The following ADAM17 variants were observed in gnomAD, a reference collection of about 807,000 sequenced individuals.
ADAM17 encodes ADAM metallopeptidase domain 17.
A neutral mutation model predicts 96.7 loss-of-function variants in ADAM17; 39 were observed. The observed-to-expected ratio is 0.40, with a 90% confidence interval of 0.31 to 0.53. The LOEUF is 0.53. Among genes scored for constraint, ADAM17 ranks in the 20% least tolerant of loss-of-function variants. The pLI is 0.44. For synonymous variants in ADAM17, 344 were observed against 359.2 expected, an observed-to-expected ratio of 0.96 and a Z score of 0.48; for missense variants, 777 against 1,013.2, an observed-to-expected ratio of 0.77 and a Z score of 3.17.
intron 1 of ADAM17, among the ~76,000 whole-genome samples, chr2:9,551,025 AG>A (rs1193644599): frequency 6.6e-6 from 1 of 151,948 alleles, no homozygotes; most frequent in East Asian, 1.9e-4. Context: ...CAGTAAGCCA[AG>A]ATTGCGCCAC....
Position 9,526,199 on chromosome 2 carries a change from T to C in ADAM17, c.665A>G (p.Lys222Arg). The C allele has an allele frequency of 1.2e-6, 2 of 1,613,948 alleles. No homozygotes were observed. Among genetic ancestry groups the C allele is most frequent in the African/African-American group, 1.3e-5 (1 of 75,076 alleles). Reference sequence around the variant, plus strand: ...TACCACCAATAATTTACACGTGTTCTTCATGGGATCTGGGTCAGCTCTTCT... The same window carrying C: ...TACCACCAATAATTTACACGTGTTCCTCATGGGATCTGGGTCAGCTCTTCT... ...VKRRADPDPM[K>R]NTCKLLVVAD... The change falls in exon 6 of 19, where the codon AAG becomes AGG. Residue 222 changes from lysine to arginine, a missense_variant. By Grantham distance (26) the Lys-to-Arg change is conservative (BLOSUM62 2). This residue lies in a region of ADAM17 where 446 missense variants were observed against 664.7 expected (regional missense o/e 0.67). Transcript: ENST00000310823.
rs2177637 is a variant in ADAM17 at position 9,535,369 on chromosome 2, T to C, written c.450+465A>G. On this transcript the variant is annotated intron_variant, in intron 4 of 18. Coordinates refer to ENST00000310823, the MANE Select transcript of ADAM17 (RefSeq NM_003183.6). ...CAGCCACTGTGGTCTTGATTTCTAT[T>C]GCTACTCTTTCAATGGAAGAGTGAC... Among the ~76,000 whole-genome samples, 19 of 152,384 alleles carry C rather than the reference T, an allele frequency of 1.2e-4. No individual in the cohort carries two copies. The East Asian group carries it at 3.1e-3, about 25-fold the overall frequency.
intron 12 of ADAM17, 66 bp downstream of exon 12, chr2:9,505,100 G>T (rs2124998845): frequency 6.5e-7 from 1 of 1,536,494 alleles, no homozygotes; most frequent in South Asian, 1.1e-5. Flanking sequence ...TGCAAGTTCA[G>T]TCTTCTCTTA....
chr2:9,491,244 G>A, intron 17 of ADAM17, 93 bp from the exon 18 acceptor site: 2 of 1,155,062 alleles, frequency 1.7e-6, no homozygotes. Context: ...ACTAACTGAA[G>A]AACTTAGAAC....
At chr2:9,543,081 C>A (rs1665272613) in intron 2 of ADAM17, 72 bp downstream of exon 2, 4 of 1,425,484 alleles carry the variant, frequency 2.8e-6, no homozygotes, top group Non-Finnish European at 3.7e-6. Flanking sequence ...TCAGTAGATA[C>A]CCTTACTTTT....
At chr2:9,498,482 C>T (rs1399254951) in intron 13 of ADAM17, among the ~76,000 whole-genome samples, 1 of 152,206 alleles carries the variant, frequency 6.6e-6, no homozygotes, top group African/African-American at 2.4e-5. Context: ...AAGCAATGGA[C>T]TATATATCCA....
At chr2:9,498,017 A>T (rs554409316) in intron 13 of ADAM17, among the ~76,000 whole-genome samples, 1 of 152,158 alleles carries the variant, frequency 6.6e-6, no homozygotes, top group African/African-American at 2.4e-5. Context: ...TATTTCTTAA[A>T]TAAATCAATT....
chr2:9,551,052 G>C (rs1665575986), intron 1 of ADAM17, among the ~76,000 whole-genome samples: 2 of 151,336 alleles, frequency 1.3e-5, no homozygotes, highest in African/African-American at 4.9e-5. Context: ...TCCAGCCTGG[G>C]TGACAGTGAG....
chr2:9,504,260 C>G (rs1246468443), intron 12 of ADAM17, among the ~76,000 whole-genome samples: 1 of 151,452 alleles, frequency 6.6e-6, no homozygotes, highest in Non-Finnish European at 1.5e-5. Context: ...TCCTGGCCAA[C>G]ATGCTAAAAC....
chr2:9,505,483 C>T (rs1317797451), intron 11 of ADAM17, 118 bp from the exon 12 acceptor site: 1 of 1,076,068 alleles, frequency 9.3e-7, no homozygotes, highest in African/African-American at 1.6e-5. Context: ...CAGAGCCACC[C>T]TGGAGTTATG....
chr2:9,540,546 T>C (rs1341565909), intron 2 of ADAM17, among the ~76,000 whole-genome samples: 1 of 152,134 alleles, frequency 6.6e-6, no homozygotes, highest in Non-Finnish European at 1.5e-5. Context: ...ACCAATACTA[T>C]AATATTCTGA....
intron 10 of ADAM17, among the ~76,000 whole-genome samples, chr2:9,510,834 A>G (rs532450048): frequency 6.6e-6 from 1 of 152,234 alleles, no homozygotes; most frequent in Non-Finnish European, 1.5e-5. Context: ...TTTGTCTCAA[A>G]AAAGAGTAAT....
chr2:9,543,140 T>C lies in ADAM17; in HGVS notation c.230+13A>G, dbSNP rs1665280718. ...CAGTGCCCCAACATTATTCCATGAA[T>C]AATTCAAATTACCTTTTCAAAGCTG... On this transcript the variant is annotated intron_variant, in intron 2 of 18. Coordinates refer to ENST00000310823, the MANE Select transcript of ADAM17 (RefSeq NM_003183.6). The C allele has an allele frequency of 3.2e-6, 5 of 1,570,318 alleles. No individual in the cohort carries two copies. The highest frequency in any genetic ancestry group is 4.3e-6 in the Non-Finnish European group (5 of 1,161,978).
At chr2:9,510,439 G>A (rs746027822) in intron 10 of ADAM17, among the ~76,000 whole-genome samples, 10 of 152,192 alleles carry the variant, frequency 6.6e-5, no homozygotes, top group African/African-American at 1.7e-4. Context: ...GCTGAGGCAG[G>A]TGGATCACGA....
Position 9,489,749 on chromosome 2 carries a change from A to C in ADAM17, c.*428T>G, listed in dbSNP as rs965844048. 4 of 132,760 alleles carry C rather than the reference A, an allele frequency of 3.0e-5. No homozygotes were observed. Among genetic ancestry groups the C allele is most frequent in the African/African-American group, 8.5e-5 (3 of 35,460 alleles). 8.2% of individuals were successfully genotyped at this position (132,760 alleles called of 1,614,324 possible). A position where few individuals can be genotyped will look rare whatever the true frequency, so the allele number is the denominator to read the frequency against. On this transcript the variant is annotated 3_prime_UTR_variant, in exon 19 of 19. Transcript: ENST00000310823. ...GCAAAAAAAAAAAAAAAAAAAAAAA[A>C]CTATTCCAGTTGTCATCACAAATAA...
At chr2:9,538,143 A>G (rs1292604967) in intron 2 of ADAM17, among the ~76,000 whole-genome samples, 1 of 152,152 alleles carries the variant, frequency 6.6e-6, no homozygotes, top group Non-Finnish European at 1.5e-5. Context: ...TTACATGAAA[A>G]CTAGGAGTGG....
chr2:9,527,485 C>T (rs919601081), intron 5 of ADAM17: 25 of 186,698 alleles, frequency 1.3e-4, no homozygotes, highest in African/African-American at 5.6e-4. Flanking sequence ...TGTCTTTCCA[C>T]CATATTATTT....
intron 4 of ADAM17, among the ~76,000 whole-genome samples, chr2:9,529,898 G>A (rs570890209): frequency 2.0e-5 from 3 of 151,790 alleles, no homozygotes; most frequent in Non-Finnish European, 4.4e-5. Flanking sequence ...TTGAACCCAG[G>A]AGGCAGAGGT....
chr2:9,540,139 T>C (rs1231315085), intron 2 of ADAM17, among the ~76,000 whole-genome samples: 4 of 152,204 alleles, frequency 2.6e-5, no homozygotes, highest in Admixed American at 1.3e-4. Context: ...AGAATACGGA[T>C]TCTACAGGCC....
Sources: allele counts gnomAD v4.1 joint callset (sites outside exome capture counted in the v4.1 genomes callset), GRCh38; gene constraint gnomAD v4.1.1; regional missense constraint gnomAD v4.1.1; transcripts MANE v1.5; gene names NCBI Gene and HGNC (gene_info 2026-07-23, HGNC 2026-07-21).